The following COPA variants were observed in gnomAD, a reference collection of about 807,000 sequenced individuals.
COPA encodes the protein coat protein complex I subunit alpha.
A neutral mutation model predicts 158.7 loss-of-function variants in COPA; 10 were observed. That is an observed-to-expected ratio of 0.06 (90% CI 0.04 to 0.11). COPA has a LOEUF of 0.11. Among genes scored for constraint, COPA ranks in the 10% least tolerant of loss-of-function variants. COPA has a pLI of 1.00. For synonymous variants in COPA, 462 were observed against 542.8 expected, an observed-to-expected ratio of 0.85 and a Z score of 2.07; for missense variants, 1,065 against 1,536.7, an observed-to-expected ratio of 0.69 and a Z score of 5.13.
chr1:160,313,289 G>A, intron 9 of COPA, 122 bp from the exon 10 acceptor site: 1 of 797,618 alleles, frequency 1.3e-6, no homozygotes, highest in Non-Finnish European at 2.1e-6. Context: ...AGAGTAAACT[G>A]CATATCCTAA....
Position 160,293,463 on chromosome 1 carries a change from C to G in COPA, c.2677G>C (p.Asp893His). Residue 893 changes from aspartate (D) to histidine (H), a missense_variant and splice_region_variant, in exon 26 of 33, where the codon GAT becomes CAT. Coordinates refer to ENST00000241704, the MANE Select transcript of COPA (RefSeq NM_004371.4). Reference sequence around the variant, plus strand: ...CCACCAGCTGCCCCAGGGGATATATCCTAGGGGAAAAACAAAAATTGAGTA... The same window carrying G: ...CCACCAGCTGCCCCAGGGGATATATGCTAGGGGAAAAACAAAAATTGAGTA... The part of the protein sequence containing the change: ...EEDLELPPEL[D>H]ISPGAAGGAE... 1 of 1,574,310 alleles carries G rather than the reference C, an allele frequency of 6.4e-7. No homozygotes were observed. Among genetic ancestry groups the G allele is most frequent in the Non-Finnish European group, 8.6e-7 (1 of 1,168,086 alleles).
At chr1:160,308,819 C>A (rs1658873277) in intron 13 of COPA, 1 of 349,160 alleles carries the variant, frequency 2.9e-6, no homozygotes, top group Admixed American at 4.4e-5. Flanking sequence ...GTCATATCAA[C>A]TGACAATAAA....
intron 6 of COPA, among the ~76,000 whole-genome samples, chr1:160,330,692 G>A (rs951595179): frequency 2.0e-5 from 3 of 152,150 alleles, no homozygotes; most frequent in South Asian, 2.1e-4. Context: ...AGTCCCCCAT[G>A]CCACAATGGA....
At chr1:160,319,914 C>CAAAAAA (rs80269064) in intron 8 of COPA, among the ~76,000 whole-genome samples, 6 of 75,568 alleles carry the variant, frequency 7.9e-5, no homozygotes, top group South Asian at 4.8e-4. Flanking sequence ...ACACCTATGT[C>CAAAAAA]AAAAAAAAAA....
chr1:160,318,492 C>CA (rs1184111001), intron 8 of COPA, among the ~76,000 whole-genome samples: 85 of 58,068 alleles, frequency 1.5e-3, no homozygotes, highest in East Asian at 0.014. Flanking sequence ...AAAAAAAAAA[C>CA]AAAAAAAAAA....
At chr1:160,305,189 TG>T in intron 17 of COPA, 1 of 359,302 alleles carries the variant, frequency 2.8e-6, no homozygotes, top group South Asian at 5.7e-5. Flanking sequence ...GTAGTTATGC[TG>T]ATGTTCACTA....
At position 160,296,830 on chromosome 1, in the gene COPA, G is replaced by A. The variant is rs547248302; in HGVS notation, c.2263+513C>T. 2.6e-5 allele frequency among the ~76,000 whole-genome samples: 4 copies of A among 152,240 alleles called. No individual in the cohort carries two copies. The South Asian group carries it at 6.2e-4, about 24-fold the overall frequency. On this transcript the variant is annotated intron_variant, in intron 21 of 32. Coordinates refer to ENST00000241704, the MANE Select transcript of COPA (RefSeq NM_004371.4). ...AAATCTAGTTACCGCAATAAATCAT[G>A]TTGTTTCTACCTTAAAATATATCCT...
chr1:160,323,592 A>C (rs764302985), intron 7 of COPA, 62 bp from the exon 8 acceptor site: 94 of 1,279,438 alleles, frequency 7.3e-5, no homozygotes, highest in Non-Finnish European at 1.0e-4. Context: ...CAAACCAATG[A>C]ATCAAGCTAC....
intron 11 of COPA, among the ~76,000 whole-genome samples, chr1:160,311,653 A>C (rs1658969687): frequency 6.6e-6 from 1 of 152,062 alleles, no homozygotes; most frequent in South Asian, 2.1e-4. Flanking sequence ...AGGCTGAGGC[A>C]GGAGAATGGT....
intron 3 of COPA, among the ~76,000 whole-genome samples, chr1:160,335,883 CAAAAAAAAAAAA>C (rs10562824): frequency 2.8e-4 from 19 of 68,012 alleles, no homozygotes; most frequent in Non-Finnish European, 3.8e-4. Context: ...GACTCAGTCT[CAAAAAAAAAAAA>C]AAAAAAAAAA....
chr1:160,343,173 C>G lies in COPA; in HGVS notation c.-3G>C, dbSNP rs1280539219. The G allele has an allele frequency of 6.2e-7, 1 of 1,614,096 alleles. No homozygotes were observed. The highest frequency in any genetic ancestry group is 8.5e-7 in the Non-Finnish European group (1 of 1,180,048). On this transcript the variant is annotated 5_prime_UTR_variant, in exon 1 of 33. Coordinates refer to ENST00000241704, the MANE Select transcript of COPA (RefSeq NM_004371.4). ...TTGGTCTCGAATTTGGTTAACATCT[C>G]TCAGGTCTCCGACTCCGATGTCTTA...
intron 7 of COPA, among the ~76,000 whole-genome samples, chr1:160,324,711 GT>G (rs1659438871): frequency 6.6e-6 from 1 of 152,078 alleles, no homozygotes; most frequent in Non-Finnish European, 1.5e-5. Flanking sequence ...TATATTTCAT[GT>G]TTTTAAAAGT....
chr1:160,300,401 C>T (rs1402023032), intron 17 of COPA, among the ~76,000 whole-genome samples: 2 of 149,448 alleles, frequency 1.3e-5, no homozygotes, highest in African/African-American at 4.9e-5. Flanking sequence ...ATAGAAGGAT[C>T]AAACTCCTAA....
chr1:160,301,784 C>A (rs1658612676), intron 17 of COPA, among the ~76,000 whole-genome samples: 1 of 151,414 alleles, frequency 6.6e-6, no homozygotes, highest in Non-Finnish European at 1.5e-5. Flanking sequence ...AGTTAAATTA[C>A]ATTAATTTAA....
chr1:160,327,118 T>C (rs1408625406), intron 6 of COPA, among the ~76,000 whole-genome samples: 1 of 152,182 alleles, frequency 6.6e-6, no homozygotes, highest in African/African-American at 2.4e-5. Context: ...AAAAAAGAAT[T>C]GAGACTAAAA....
intron 9 of COPA, among the ~76,000 whole-genome samples, chr1:160,313,660 C>T (rs186441740): frequency 0.012 from 1,804 of 152,164 alleles, 16 homozygotes; most frequent in Non-Finnish European, 0.019. Context: ...GTGATCCACC[C>T]GCCTCAGCCT....
rs572818303 is a variant in COPA, at chr1:160,308,898, A to G, written c.1219+203T>C. On this transcript the variant is annotated intron_variant, in intron 13 of 32. Transcript: ENST00000241704. ...AATAACCAAATTATAAAATATATAT[A>G]TCTAGCTGGGGTAATAAAATGGAGG... The G allele has an allele frequency of 7.1e-5, 36 of 510,560 alleles. 1 individual carries two copies. Among genetic ancestry groups the G allele is most frequent in the African/African-American group, 6.9e-4 (35 of 50,836 alleles). The allele number at this position is 510,560 out of a possible 1,614,324, so 31.6% of individuals were successfully genotyped here.
chr1:160,333,841 C>T (rs898046381), intron 4 of COPA, among the ~76,000 whole-genome samples, 162 bp from the exon 5 acceptor site: 1 of 152,228 alleles, frequency 6.6e-6, no homozygotes, highest in Admixed American at 6.5e-5. Flanking sequence ...CTTTTCTCTA[C>T]CACTCTAACA....
chr1:160,296,051 A>G lies in COPA; in HGVS notation c.2352+10T>C, dbSNP rs1658401047. ...TGTAATAAGAGACAATTATGTAAAT[A>G]AAGACTCACTGTCTCCTTCTCTGGG... is the stretch of plus-strand genomic sequence containing the variant. On this transcript the variant is annotated intron_variant, in intron 22 of 32. Transcript: ENST00000241704. 2 of 1,611,170 alleles carry G rather than the reference A, an allele frequency of 1.2e-6. No individual in the cohort carries two copies. The highest frequency in any genetic ancestry group is 1.7e-6 in the Non-Finnish European group (2 of 1,177,342).
Sources: gnomAD v4.1 joint callset for allele counts (sites outside exome capture counted in the v4.1 genomes callset) on GRCh38, gnomAD v4.1.1 for gene constraint, MANE v1.5 for transcripts, NCBI Gene and HGNC (gene_info 2026-07-23, HGNC 2026-07-21) for gene names.